PICALM: variants seen among roughly 807,000 people sequenced by gnomAD.
PICALM encodes the protein phosphatidylinositol-binding clathrin assembly protein.
In PICALM, 40 loss-of-function variants were observed where a neutral mutation model predicts 80.5. That is an observed-to-expected ratio of 0.50 (90% CI 0.39 to 0.65). PICALM has a LOEUF of 0.65. Among genes scored for constraint, PICALM ranks in the 30% least tolerant of loss-of-function variants. PICALM has a pLI of 0.00. For missense variants in PICALM, 676 were observed against 778.9 expected (o/e 0.87, Z 1.57); for synonymous variants, 288 against 260.3 (o/e 1.11, Z -1.02).
intron 1 of PICALM, among the ~76,000 whole-genome samples, chr11:86,062,345 C>G (rs1192018657): frequency 6.6e-6 from 1 of 152,070 alleles, no homozygotes; most frequent in Non-Finnish European, 1.5e-5. Flanking sequence ...GGTGAAGCCC[C>G]ATCTCTATCA....
intron 1 of PICALM, among the ~76,000 whole-genome samples, chr11:86,034,955 T>A (rs952862979): frequency 1.2e-4 from 18 of 152,180 alleles, no homozygotes; most frequent in African/African-American, 4.3e-4. Context: ...AGTGACAGAT[T>A]AATGACTAGA....
At chr11:86,068,443 G>A (rs926842529) in intron 1 of PICALM, among the ~76,000 whole-genome samples, 1 of 152,036 alleles carries the variant, frequency 6.6e-6, no homozygotes, top group East Asian at 1.9e-4. Flanking sequence ...GGAGTGGCTT[G>A]TCAGATTTTG....
intron 13 of PICALM, among the ~76,000 whole-genome samples, chr11:85,986,084 T>G (rs1256647612): frequency 6.6e-6 from 1 of 152,098 alleles, no homozygotes; most frequent in Admixed American, 6.5e-5. Flanking sequence ...CCAGAACTTG[T>G]ATCTCAAGTT....
rs765450759 is a variant in PICALM, at chr11:85,958,939, G to A, written c.*107C>T. 1.4e-6 allele frequency: 1 copy of A among 738,268 alleles called. No individual in the cohort carries two copies. Among genetic ancestry groups the A allele is most frequent in the Non-Finnish European group, 2.3e-6 (1 of 438,400 alleles). The allele number at this position is 738,268 out of a possible 1,614,324, so 45.7% of individuals were successfully genotyped here. Reference sequence around the variant, plus strand: ...TACTTGTAGCATTCTAATGGAAGAAGAGAGTTTAAGAGATTTAAGAGACAG... The same window carrying A: ...TACTTGTAGCATTCTAATGGAAGAAAAGAGTTTAAGAGATTTAAGAGACAG... On this transcript the variant is annotated 3_prime_UTR_variant, in exon 20 of 20. Coordinates refer to ENST00000393346, the MANE Select transcript of PICALM (RefSeq NM_007166.4).
At chr11:86,040,793 C>A (rs937403536) in intron 1 of PICALM, among the ~76,000 whole-genome samples, 3 of 152,026 alleles carry the variant, frequency 2.0e-5, no homozygotes, top group African/African-American at 7.3e-5. Context: ...CAGAGCTATC[C>A]CTTTTGCTGG....
intron 3 of PICALM, among the ~76,000 whole-genome samples, chr11:86,022,957 G>A (rs1344499958): frequency 6.6e-6 from 1 of 152,078 alleles, no homozygotes; most frequent in Non-Finnish European, 1.5e-5. Flanking sequence ...TGTAATATAA[G>A]AAATGGCAAC....
chr11:86,060,850 A>G (rs1419317474), intron 1 of PICALM, among the ~76,000 whole-genome samples: 1 of 152,216 alleles, frequency 6.6e-6, no homozygotes, highest in Non-Finnish European at 1.5e-5. Flanking sequence ...ATGGTGACAT[A>G]GAAGACAATC....
intron 14 of PICALM, among the ~76,000 whole-genome samples, chr11:85,983,009 C>T (rs2094487887): frequency 6.6e-6 from 1 of 151,980 alleles, no homozygotes; most frequent in Non-Finnish European, 1.5e-5. Flanking sequence ...TTCCACTTTC[C>T]CAGGCAAGAC....
At chr11:85,959,501 C>T (rs922443221) in intron 19 of PICALM, among the ~76,000 whole-genome samples, 9 of 151,786 alleles carry the variant, frequency 5.9e-5, no homozygotes, top group African/African-American at 1.2e-4. Context: ...GGCGTGGTGG[C>T]GGGCGCCTGT....
chr11:86,068,843 C>A lies in PICALM; in HGVS notation c.-63G>T, dbSNP rs2096484732. 2 of 1,509,830 alleles carry A rather than the reference C, an allele frequency of 1.3e-6. No individual in the cohort carries two copies. Among genetic ancestry groups the A allele is most frequent in the Admixed American group, 2.1e-5 (1 of 48,210 alleles). 93.5% of individuals were successfully genotyped at this position (1,509,830 alleles called of 1,614,324 possible). On this transcript the variant is annotated 5_prime_UTR_variant, in exon 1 of 20. Transcript: ENST00000393346. ...CGGCGGGGACTGGGACCCCCAAGAG[C>A]CGGAGGGTCCCCACCCCCCACCGCA...
Position 86,031,610 on chromosome 11 carries a change from G to A in PICALM, c.132C>T (p.Tyr44=). ...IMGPKKKHLD[Y]LIQCTNEMNV... ...TCATCTCATTTGTGCACTGAATTAA[G>A]TCTGCAATAAAAAATTTTTAAATGA... is the stretch of plus-strand genomic sequence containing the variant. Residue 44 remains tyrosine (Y), a splice_region_variant and synonymous_variant, in exon 2 of 20, where the codon TAC becomes TAT. Transcript: ENST00000393346. 5 of 1,595,502 alleles carry A rather than the reference G, an allele frequency of 3.1e-6. No homozygotes were observed. The highest frequency in any genetic ancestry group is 4.3e-6 in the Non-Finnish European group (5 of 1,174,542).
At chr11:86,032,058 C>T (rs2095760604) in intron 1 of PICALM, among the ~76,000 whole-genome samples, 1 of 152,020 alleles carries the variant, frequency 6.6e-6, no homozygotes, top group Admixed American at 6.6e-5. Context: ...AAATGAAGAT[C>T]AAACTATCTT....
In PICALM at chr11:85,986,796, G is replaced by A. The variant is rs551960672; in HGVS notation, c.1409-2823C>T. ...GAAATACACACACACACATACACGC[G>A]TGCGCACATGCTAAAAAGAGCAGGC... is the stretch of plus-strand genomic sequence containing the variant. On this transcript the variant is annotated intron_variant, in intron 13 of 19. Transcript: ENST00000393346. 5.9e-5 allele frequency among the ~76,000 whole-genome samples: 9 copies of A among 152,174 alleles called. No homozygotes were observed. The South Asian group carries it at 6.2e-4, about 11-fold the overall frequency.
At chr11:86,023,450 A>G in intron 3 of PICALM, 6 of 985,224 alleles carry the variant, frequency 6.1e-6, no homozygotes, top group Non-Finnish European at 7.2e-6. Context: ...ACATGCTCAC[A>G]TTCCTCAGCT....
chr11:86,056,134 T>TAAAAAAAAAAAAAAAAAAAAAAAAAAA (rs376759395), intron 1 of PICALM, among the ~76,000 whole-genome samples: 3 of 76,844 alleles, frequency 3.9e-5, no homozygotes, highest in Non-Finnish European at 5.3e-5. Context: ...GACTCTGTCT[T>TAAAAAAAAAAAAAAAAAAAAAAAAAAA]TAAAAAAAAA....
At chr11:86,061,330 C>CAAAAAAAA (rs58836221) in intron 1 of PICALM, among the ~76,000 whole-genome samples, 45 of 81,128 alleles carry the variant, frequency 5.5e-4, no homozygotes, top group African/African-American at 1.5e-3. Context: ...GACTCCATCT[C>CAAAAAAAA]AAAAAAAAAA....
intron 19 of PICALM, among the ~76,000 whole-genome samples, chr11:85,967,577 T>A (rs1176415524): frequency 6.6e-6 from 1 of 152,204 alleles, no homozygotes; most frequent in Non-Finnish European, 1.5e-5. Flanking sequence ...CATGGTATTC[T>A]GCAGTAGGCA....
At chr11:85,989,098 T>C (rs1270701206) in intron 13 of PICALM, among the ~76,000 whole-genome samples, 1 of 152,218 alleles carries the variant, frequency 6.6e-6, no homozygotes. Context: ...ATAAATGTCT[T>C]CCCTCTGTCA....
intron 1 of PICALM, among the ~76,000 whole-genome samples, chr11:86,045,768 T>C (rs1443895892): frequency 6.6e-6 from 1 of 152,170 alleles, no homozygotes. Context: ...TCCTGGCTTG[T>C]GTGAGAAAGT....
Sources: allele counts gnomAD v4.1 joint callset (sites outside exome capture counted in the v4.1 genomes callset), GRCh38; gene constraint gnomAD v4.1.1; transcripts MANE v1.5; gene names NCBI Gene and HGNC (gene_info 2026-07-23, HGNC 2026-07-21).